The following CABLES1 variants were observed in gnomAD, a reference collection of about 807,000 sequenced individuals.
CABLES1 encodes the protein CDK5 and ABL1 enzyme substrate 1.
Under a neutral mutation model 57.8 loss-of-function variants are expected in CABLES1, and 36 were observed. That is an observed-to-expected ratio of 0.62 (90% CI 0.48 to 0.82). The LOEUF (loss-of-function observed/expected upper bound fraction) is 0.82. CABLES1 is among the 40% of genes least tolerant of loss of function. The pLI is 0.00. For missense variants in CABLES1, 767 were observed against 836.6 expected, an observed-to-expected ratio of 0.92 and a Z score of 1.03; for synonymous variants, 374 against 363.0, an observed-to-expected ratio of 1.03 and a Z score of -0.35.
Position 23,135,694 on chromosome 18 carries a change from C to CCGCCGCTTAGCGCTCGGG in CABLES1, c.-61_-44dup. On this transcript the variant is annotated 5_prime_UTR_variant, in exon 1 of 10. Transcript: ENST00000256925. ...CAGCCCGGGTCGCCGCCGCTCGCGC[C>CCGCCGCTTAGCGCTCGGG]CGCCGCTTAGCGCTCGGGCGCCGCT... 1 of 983,158 alleles carries CCGCCGCTTAGCGCTCGGG rather than the reference C, an allele frequency of 1.0e-6. No individual in the cohort carries two copies. Among genetic ancestry groups the CCGCCGCTTAGCGCTCGGG allele is most frequent in the Non-Finnish European group, 1.2e-6 (1 of 829,654 alleles). The allele number at this position is 983,158 out of a possible 1,614,324, so 60.9% of individuals were successfully genotyped here.
At chr18:23,249,179 G>A (rs1020804905) in intron 7 of CABLES1, among the ~76,000 whole-genome samples, 3 of 152,246 alleles carry the variant, frequency 2.0e-5, no homozygotes, top group Non-Finnish European at 4.4e-5. Flanking sequence ...TCACATATCA[G>A]AGCATCCAAT....
intron 1 of CABLES1, among the ~76,000 whole-genome samples, chr18:23,187,547 C>G (rs543818615): frequency 6.6e-6 from 1 of 152,292 alleles, no homozygotes; most frequent in African/African-American, 2.4e-5. Context: ...CCACCACACC[C>G]GGCTAATTTT....
intron 7 of CABLES1, among the ~76,000 whole-genome samples, chr18:23,242,435 C>T (rs375121045): frequency 1.3e-5 from 2 of 152,148 alleles, no homozygotes; most frequent in African/African-American, 2.4e-5. Flanking sequence ...CAGGGGAGGG[C>T]GGATGCTTCC....
chr18:23,207,599 G>A (rs1250258816), intron 3 of CABLES1, among the ~76,000 whole-genome samples: 1 of 152,130 alleles, frequency 6.6e-6, no homozygotes, highest in African/African-American at 2.4e-5. Flanking sequence ...CCTAAGCTTT[G>A]CAAGGAGGGA....
intron 7 of CABLES1, among the ~76,000 whole-genome samples, chr18:23,243,497 T>C (rs1362570951): frequency 2.6e-5 from 4 of 151,246 alleles, no homozygotes; most frequent in Admixed American, 2.6e-4. Context: ...TTTGGTCTTT[T>C]TGTTGTTGTT....
intron 1 of CABLES1, among the ~76,000 whole-genome samples, chr18:23,158,322 AAC>A (rs2046979297): frequency 6.6e-6 from 1 of 152,044 alleles, no homozygotes; most frequent in African/African-American, 2.4e-5. Context: ...AATAACACCA[AAC>A]ATCTGAGGTT....
Position 23,219,394 on chromosome 18 carries a change from C to T in CABLES1, c.1088+5340C>T, listed in dbSNP as rs56342731. On this transcript the variant is annotated intron_variant, in intron 4 of 9. Coordinates refer to ENST00000256925, the MANE Select transcript of CABLES1 (RefSeq NM_001100619.3). ...TGGCAGGATCCGATGTAGTGCCCAG[C>T]GAAGGCGATTCTTCAGTTAGACTTG... is the stretch of plus-strand genomic sequence containing the variant. The T allele has an allele frequency of 5.4e-4, 242 of 449,352 alleles. 1 individual carries two copies. The highest frequency in any genetic ancestry group is 4.3e-3 in the African/African-American group (214 of 50,044). 27.8% of individuals were successfully genotyped at this position (449,352 alleles called of 1,614,324 possible).
rs1334138637 is a variant in CABLES1 at position 23,253,921 on chromosome 18, CA to C, written c.1748del (p.Lys583SerfsTer3). The C allele has an allele frequency of 6.2e-7, 1 of 1,614,084 alleles. No homozygotes were observed. The highest frequency in any genetic ancestry group is 1.7e-5 in the Admixed American group (1 of 60,028). On this transcript the variant is annotated frameshift_variant, in exon 9 of 10. Transcript: ENST00000256925. LOFTEE classifies it high-confidence loss of function. ...GAAGTGACCTCAAAAAACACGAAGT[CA>C]AGCATTTAATTGACGTAAGTAGCCT... Reference protein sequence around the residue: ...IGSDLKKHEVKHLIDKLEEKF... With the variant: ...IGSDLKKHEVXHLIDKLEEKF...
intron 1 of CABLES1, among the ~76,000 whole-genome samples, chr18:23,184,424 C>T (rs1269496597): frequency 3.3e-5 from 5 of 152,124 alleles, no homozygotes; most frequent in Non-Finnish European, 5.9e-5. Context: ...TTTTCTCGGC[C>T]GGGCATGGTA....
intron 4 of CABLES1, among the ~76,000 whole-genome samples, chr18:23,224,561 CTTTTT>C (rs777471596): frequency 3.3e-5 from 3 of 89,662 alleles, no homozygotes; most frequent in African/African-American, 8.9e-5. Context: ...AGTCACAGAG[CTTTTT>C]TTTTTTTTTT....
At chr18:23,151,435 AG>A (rs2046930024) in intron 1 of CABLES1, among the ~76,000 whole-genome samples, 1 of 152,192 alleles carries the variant, frequency 6.6e-6, no homozygotes, top group African/African-American at 2.4e-5. Context: ...TGAGACACAC[AG>A]TAGCCTGGAC....
At chr18:23,231,126 C>G (rs747153623) in intron 4 of CABLES1, among the ~76,000 whole-genome samples, 1 of 152,182 alleles carries the variant, frequency 6.6e-6, no homozygotes, top group African/African-American at 2.4e-5. Flanking sequence ...AAATAGGCCA[C>G]TCTTGGGAAG....
chr18:23,146,179 TG>T (rs2046890436), intron 1 of CABLES1, among the ~76,000 whole-genome samples: 1 of 152,270 alleles, frequency 6.6e-6, no homozygotes, highest in South Asian at 2.1e-4. Flanking sequence ...TAAGAAGGGC[TG>T]GGTGGCGGGG....
chr18:23,200,916 G>T (rs1439352795), intron 3 of CABLES1, among the ~76,000 whole-genome samples: 2 of 152,218 alleles, frequency 1.3e-5, no homozygotes, highest in Non-Finnish European at 2.9e-5. Flanking sequence ...GAATAGAATA[G>T]CATGTGGTAT....
chr18:23,219,219 G>T (rs767498692), intron 4 of CABLES1: 1 of 454,116 alleles, frequency 2.2e-6, no homozygotes. Context: ...CTCTGTGTGT[G>T]GAGCCTACTC....
At chr18:23,230,906 G>C (rs1359230073) in intron 4 of CABLES1, among the ~76,000 whole-genome samples, 2 of 152,150 alleles carry the variant, frequency 1.3e-5, no homozygotes, top group Non-Finnish European at 2.9e-5. Context: ...ACCCCTCCAG[G>C]CAAAAAGATC....
At chr18:23,191,486 T>C (rs2047242413) in intron 2 of CABLES1, among the ~76,000 whole-genome samples, 1 of 152,152 alleles carries the variant, frequency 6.6e-6, no homozygotes, top group South Asian at 2.1e-4. Flanking sequence ...GCTGAAGCCT[T>C]CTCTGGTCTG....
In CABLES1 at chr18:23,185,951, G is replaced by A. The variant is rs574603339; in HGVS notation, c.846-2887G>A. 4.6e-5 allele frequency among the ~76,000 whole-genome samples: 7 copies of A among 152,288 alleles called. No homozygotes were observed. The East Asian group carries it at 9.7e-4, about 21-fold the overall frequency. ...TTTCATCACTGCCTTCTGGCTGTAG[G>A]GAGACCTGAGAGCAGTGCAAGGAGA... On this transcript the variant is annotated intron_variant, in intron 1 of 9. Coordinates refer to ENST00000256925, the MANE Select transcript of CABLES1 (RefSeq NM_001100619.3).
chr18:23,238,245 C>T (rs1008568993), intron 7 of CABLES1, among the ~76,000 whole-genome samples: 2 of 152,360 alleles, frequency 1.3e-5, no homozygotes, highest in South Asian at 2.1e-4. Flanking sequence ...AAAGGAAACC[C>T]AGATCTTCAT....
Sources: gnomAD v4.1 joint callset for allele counts (sites outside exome capture counted in the v4.1 genomes callset) on GRCh38, gnomAD v4.1.1 for gene constraint, MANE v1.5 for transcripts, NCBI Gene and HGNC (gene_info 2026-07-23, HGNC 2026-07-21) for gene names.